DNM2: variants seen among roughly 807,000 people sequenced by gnomAD.
The protein encoded by DNM2 is dynamin-2.
In DNM2, 15 loss-of-function variants were observed where a neutral mutation model predicts 99.0. The ratio of observed to expected loss-of-function variants is 0.15; its 90% CI spans 0.10 to 0.23. The LOEUF (loss-of-function observed/expected upper bound fraction) is 0.23, where lower values mean the gene tolerates loss of function less well. Ranked by LOEUF, DNM2 falls within the 10% of genes least tolerant of loss-of-function variation. The probability of loss-of-function intolerance (pLI) is 1.00; values close to 1 mark genes in which losing one functional copy is unlikely to be tolerated. For synonymous variants in DNM2, 525 were observed against 481.2 expected (o/e 1.09, Z -1.19); for missense variants, 742 against 1,189.4 (o/e 0.62, Z 5.53).
chr19:10,802,204 T>C, intron 11 of DNM2, 84 bp from the exon 12 acceptor site: 1 of 1,475,408 alleles, frequency 6.8e-7, no homozygotes, highest in Non-Finnish European at 9.5e-7. Context: ...CCTTCCCTGC[T>C]GGCAAGGCCA....
rs1401199972 is a variant in DNM2 at position 10,795,714 on chromosome 19, T to A, written c.1196+275T>A. 3.4e-6 allele frequency: 2 copies of A among 581,638 alleles called. No individual in the cohort carries two copies. The highest frequency in any genetic ancestry group is 3.7e-5 in the African/African-American group (2 of 53,508). 36.0% of individuals were successfully genotyped at this position (581,638 alleles called of 1,614,324 possible). A position where few individuals can be genotyped will look rare whatever the true frequency, so the allele number is the denominator to read the frequency against. ...GCCCAGTCGGTTGGTGTGAACCTCA[T>A]GCTAAACTAAGAATGCTCACTGCAG... On this transcript the variant is annotated intron_variant, in intron 9 of 20. Transcript: ENST00000389253. This position sits in a 1 kb window ranked among gnomAD's most constrained non-coding sequence, Gnocchi z 4.2.
At chr19:10,728,406 G>A (rs867437920) in intron 1 of DNM2, among the ~76,000 whole-genome samples, 11 of 152,322 alleles carry the variant, frequency 7.2e-5, no homozygotes, top group Middle Eastern at 3.4e-3. Context: ...CACACATATG[G>A]CGGCTTTGGG....
At chr19:10,771,730 G>A (rs1421855207) in intron 2 of DNM2, among the ~76,000 whole-genome samples, 1 of 152,188 alleles carries the variant, frequency 6.6e-6, no homozygotes, top group Non-Finnish European at 1.5e-5. Flanking sequence ...CTCTCTGGGT[G>A]ATGTATCCTG....
rs1240613546 is a variant in DNM2 at position 10,746,731 on chromosome 19, T to TG, written c.162-13007_162-13006insG. ...AACCGTGCCGGCTTTTTTTTTGTTT[T>TG]TTGTTTTTTTTTTTTTTGAGACAGT... On this transcript the variant is annotated intron_variant, in intron 1 of 20. Coordinates refer to ENST00000389253, the MANE Select transcript of DNM2 (RefSeq NM_001005361.3). 1.5e-4 allele frequency among the ~76,000 whole-genome samples: 17 copies of TG among 116,042 alleles called. 2 individuals are homozygous for TG. The highest frequency in any genetic ancestry group is 6.1e-4 in the South Asian group (2 of 3,264). The allele number at this position is 116,042 out of a possible 152,430, so 76.1% of individuals were successfully genotyped here.
At position 10,795,631 on chromosome 19, in the gene DNM2, C is replaced by T. The variant is rs1220670260; in HGVS notation, c.1196+192C>T. ...TGAGGGTGGATGTGTCTTAGTCCTG[C>T]GTCCATTGCAGGCTTCAGGGCTGTC... On this transcript the variant is annotated intron_variant, in intron 9 of 20. Coordinates refer to ENST00000389253, the MANE Select transcript of DNM2 (RefSeq NM_001005361.3). The surrounding 1 kb of genome is among the most constrained non-coding windows in gnomAD (Gnocchi z 4.2). 5 of 649,566 alleles carry T rather than the reference C, an allele frequency of 7.7e-6. No individual in the cohort carries two copies. The highest frequency in any genetic ancestry group is 1.4e-5 in the Non-Finnish European group (5 of 366,438). The allele number at this position is 649,566 out of a possible 1,614,324, so 40.2% of individuals were successfully genotyped here. A position where few individuals can be genotyped will look rare whatever the true frequency, so the allele number is the denominator to read the frequency against.
intron 4 of DNM2, 145 bp from the exon 5 acceptor site, chr19:10,776,973 G>A: frequency 2.7e-6 from 2 of 748,778 alleles, no homozygotes; most frequent in South Asian, 1.5e-5. Context: ...TCGGAAACTG[G>A]GGTCCAGGCC....
chr19:10,751,540 C>A (rs1300271927), intron 1 of DNM2, among the ~76,000 whole-genome samples: 1 of 152,158 alleles, frequency 6.6e-6, no homozygotes, highest in Admixed American at 6.5e-5. Context: ...CCCAGAAAAC[C>A]CTTAGGGCCA....
intron 1 of DNM2, among the ~76,000 whole-genome samples, chr19:10,727,859 T>C (rs1188959781): frequency 1.3e-5 from 2 of 152,204 alleles, no homozygotes; most frequent in African/African-American, 4.8e-5. Flanking sequence ...GAGAACATCA[T>C]GTAAACCGTA....
rs768397600 is a variant in DNM2 at position 10,795,444 on chromosome 19, G to GT, written c.1196+7dup. On this transcript the variant is annotated splice_donor_region_variant and intron_variant, in intron 9 of 20. Transcript: ENST00000389253. This position sits in a 1 kb window ranked among gnomAD's most constrained non-coding sequence, Gnocchi z 4.2. Reference sequence around the variant, plus strand: ...TAAGAACATCCATGGAGTCAGGCAAGTTCCACGAGGAGAGTCACCACTGTT... The same window carrying GT: ...TAAGAACATCCATGGAGTCAGGCAAGTTTCCACGAGGAGAGTCACCACTGTT... 6.2e-7 allele frequency: 1 copy of GT among 1,614,046 alleles called. No individual in the cohort carries two copies. The highest frequency in any genetic ancestry group is 8.5e-7 in the Non-Finnish European group (1 of 1,180,008).
intron 13 of DNM2, among the ~76,000 whole-genome samples, chr19:10,807,239 ATTTTT>A (rs942002285): frequency 2.0e-5 from 3 of 150,942 alleles, no homozygotes; most frequent in African/African-American, 7.3e-5. Flanking sequence ...CACCAGGCTA[ATTTTT>A]TTTTATTTTT....
chr19:10,822,699 A>G (rs2073014380), intron 16 of DNM2, among the ~76,000 whole-genome samples: 1 of 150,730 alleles, frequency 6.6e-6, no homozygotes, highest in African/African-American at 2.4e-5. Context: ...GGGTTTCACC[A>G]TGTTGGCCAG....
At chr19:10,793,038 C>T (rs371586599) in intron 7 of DNM2, among the ~76,000 whole-genome samples, 2 of 152,274 alleles carry the variant, frequency 1.3e-5, no homozygotes, top group African/African-American at 2.4e-5. Context: ...CCACCGCACC[C>T]GGCCAATAAA....
intron 1 of DNM2, among the ~76,000 whole-genome samples, chr19:10,741,960 G>A (rs1301193544): frequency 7.2e-6 from 1 of 138,926 alleles, no homozygotes; most frequent in African/African-American, 2.7e-5. Context: ...CTTCCTTTTT[G>A]TTCTTGTTCT....
Position 10,796,028 on chromosome 19 carries a change from A to G in DNM2, c.1196+589A>G. 6.2e-7 allele frequency: 1 copy of G among 1,612,470 alleles called. No individual in the cohort carries two copies. Among genetic ancestry groups the G allele is most frequent in the Non-Finnish European group, 8.5e-7 (1 of 1,180,016 alleles). ...ACCATGCTTTGTTTCTCTCTGACTT[A>G]TCTCCCCTGCCCCCGGGTCTGGACG... On this transcript the variant is annotated intron_variant, in intron 9 of 20. Coordinates refer to ENST00000389253, the MANE Select transcript of DNM2 (RefSeq NM_001005361.3). This position sits in a 1 kb window ranked among gnomAD's most constrained non-coding sequence, Gnocchi z 5.6.
At chr19:10,743,100 TTCA>T (rs779593166) in intron 1 of DNM2, among the ~76,000 whole-genome samples, 26 of 150,834 alleles carry the variant, frequency 1.7e-4, no homozygotes, top group Non-Finnish European at 2.5e-4. Flanking sequence ...GAGGCGAGGT[TTCA>T]TCATGTTGCC....
chr19:10,774,526 A>G (rs2071085594), intron 3 of DNM2, among the ~76,000 whole-genome samples: 3 of 152,094 alleles, frequency 2.0e-5, no homozygotes, highest in Admixed American at 2.0e-4. Context: ...TCCCGGGTTC[A>G]AGTGATTCTC....
chr19:10,786,989 A>G (rs766879179), intron 7 of DNM2, among the ~76,000 whole-genome samples: 9 of 152,240 alleles, frequency 5.9e-5, no homozygotes, highest in Non-Finnish European at 1.2e-4. Context: ...ATGTCAAAAT[A>G]TGAAAGTGGT....
At chr19:10,829,399 G>A (rs905552850) in intron 19 of DNM2, 131 bp downstream of exon 19, 2 of 1,198,354 alleles carry the variant, frequency 1.7e-6, no homozygotes, top group Non-Finnish European at 2.4e-6. Flanking sequence ...GGCACTGTGG[G>A]AGCTGCTGCC....
rs2073345171 is a variant in DNM2 at position 10,831,413 on chromosome 19, T to C, written c.*366T>C. ...AAGCCCATGTAGGGCAGGCCTTCTA[T>C]AAGTGCGGGCACCAAGGGCGCCTAC... On this transcript the variant is annotated 3_prime_UTR_variant, in exon 21 of 21. Coordinates refer to ENST00000389253, the MANE Select transcript of DNM2 (RefSeq NM_001005361.3). This position sits in a 1 kb window ranked among gnomAD's most constrained non-coding sequence, Gnocchi z 4.3. 1 of 1,038,016 alleles carries C rather than the reference T, an allele frequency of 9.6e-7. No individual in the cohort carries two copies. Among genetic ancestry groups the C allele is most frequent in the Admixed American group, 5.7e-5 (1 of 17,566 alleles). 64.3% of individuals were successfully genotyped at this position (1,038,016 alleles called of 1,614,324 possible). A position where few individuals can be genotyped will look rare whatever the true frequency, so the allele number is the denominator to read the frequency against.
Sources: gnomAD v4.1 joint callset for allele counts (sites outside exome capture counted in the v4.1 genomes callset) on GRCh38, gnomAD v4.1.1 for gene constraint, Gnocchi (gnomAD v3.1) non-coding constraint, MANE v1.5 for transcripts, NCBI Gene and HGNC (gene_info 2026-07-23, HGNC 2026-07-21) for gene names.